The following KIAA1614 variants were observed in gnomAD, a reference collection of about 807,000 sequenced individuals.
KIAA1614 encodes the protein uncharacterized protein KIAA1614.
A neutral mutation model predicts 88.7 loss-of-function variants in KIAA1614; 76 were observed. The ratio of observed to expected loss-of-function variants is 0.86; its 90% CI spans 0.71 to 1.04. The LOEUF (loss-of-function observed/expected upper bound fraction) is 1.04. Among genes scored for constraint, KIAA1614 ranks in the 50% least tolerant of loss-of-function variants. The probability of loss-of-function intolerance (pLI) is 0.00; values close to 1 mark genes in which losing one functional copy is unlikely to be tolerated. For missense variants in KIAA1614, 1,553 were observed against 1,582.5 expected, an observed-to-expected ratio of 0.98 and a Z score of 0.32; for synonymous variants, 714 against 675.5, an observed-to-expected ratio of 1.06 and a Z score of -0.88.
intron 6 of KIAA1614, among the ~76,000 whole-genome samples, chr1:180,939,855 TA>T (rs895701591): frequency 6.6e-6 from 1 of 152,154 alleles, no homozygotes; most frequent in African/African-American, 2.4e-5. Context: ...TCTCATCACC[TA>T]CACCCAAGCC....
intron 4 of KIAA1614, among the ~76,000 whole-genome samples, chr1:180,932,051 C>T (rs1236172043): frequency 6.6e-6 from 1 of 152,110 alleles, no homozygotes. Context: ...TCACCATGAG[C>T]TCCACAGGAA....
At position 180,916,253 on chromosome 1, in the gene KIAA1614, A is replaced by G. The variant is rs755988175; in HGVS notation, c.150A>G (p.Pro50=). 5 of 1,613,622 alleles carry G rather than the reference A, an allele frequency of 3.1e-6. 1 individual carries two copies. The Admixed American group carries it at 8.3e-5, about 27-fold the overall frequency. Residue 50 remains proline, a synonymous_variant, in exon 2 of 9, where the codon CCA becomes CCG. Transcript: ENST00000367588. ...CACAGCTGGATAACGGACACCCCCC[A>G]AGACCCTGGCCTTGCCCTCAGGAAA... ...PEPQLDNGHP[P]RPWPCPQENR... is the part of the protein sequence containing the mutation.
At chr1:180,920,200 G>A (rs1653922969) in intron 3 of KIAA1614, among the ~76,000 whole-genome samples, 1 of 152,196 alleles carries the variant, frequency 6.6e-6, no homozygotes, top group African/African-American at 2.4e-5. Flanking sequence ...AGACATTAAA[G>A]GTGGTCCCCA....
At position 180,935,423 on chromosome 1, in the gene KIAA1614, G is replaced by A. The variant is rs768590113; in HGVS notation, c.1514G>A (p.Arg505Gln). Reference sequence around the variant, plus strand: ...TACATCAACGGGGCTCCCCGGCTCCGGGACGCGGGGCAGGGGACATTCCAC... The same window carrying A: ...TACATCAACGGGGCTCCCCGGCTCCAGGACGCGGGGCAGGGGACATTCCAC... The part of the protein sequence containing the change: ...ADYINGAPRL[R>Q]DAGQGTFHRL... The change falls in exon 5 of 9, where the codon CGG becomes CAG. Residue 505 changes from arginine (R) to glutamine (Q), a missense_variant. By Grantham distance (43) the Arg-to-Gln change is conservative. Coordinates refer to ENST00000367588, the MANE Select transcript of KIAA1614 (RefSeq NM_020950.2). This position sits in a 1 kb window ranked among gnomAD's most constrained non-coding sequence, Gnocchi z 6.1. The A allele has an allele frequency of 9.5e-6, 14 of 1,471,344 alleles. No individual in the cohort carries two copies. The highest frequency in any genetic ancestry group is 1.8e-4 in the Middle Eastern group (1 of 5,558). 91.1% of individuals were successfully genotyped at this position (1,471,344 alleles called of 1,614,324 possible). A position where few individuals can be genotyped will look rare whatever the true frequency, so the allele number is the denominator to read the frequency against.
intron 5 of KIAA1614, 36 bp from the exon 6 acceptor site, chr1:180,938,519 C>G (rs371294856): frequency 2.5e-6 from 4 of 1,606,098 alleles, no homozygotes; most frequent in Non-Finnish European, 3.4e-6. Flanking sequence ...TGGGATGAGC[C>G]GGTCTGACTC....
chr1:180,926,950 G>A (rs943557074), intron 3 of KIAA1614, among the ~76,000 whole-genome samples: 9 of 152,312 alleles, frequency 5.9e-5, no homozygotes, highest in Middle Eastern at 3.4e-3. Context: ...CCCTGCCAGG[G>A]TTCACAGGCA....
At chr1:180,918,486 T>G (rs1404716071) in intron 3 of KIAA1614, among the ~76,000 whole-genome samples, 1 of 152,180 alleles carries the variant, frequency 6.6e-6, no homozygotes, top group Non-Finnish European at 1.5e-5. Context: ...CTGCCTGTCC[T>G]TCATGGCAGT....
chr1:180,941,284 C>CG lies in KIAA1614; in HGVS notation c.3159+1dup, dbSNP rs774678553. 18 of 1,605,640 alleles carry CG rather than the reference C, an allele frequency of 1.1e-5. No homozygotes were observed. Among genetic ancestry groups the CG allele is most frequent in the Non-Finnish European group, 1.4e-5 (17 of 1,174,098 alleles). On this transcript the variant is annotated frameshift_variant and splice_region_variant, in exon 7 of 9. Coordinates refer to ENST00000367588, the MANE Select transcript of KIAA1614 (RefSeq NM_020950.2). LOFTEE classifies it high-confidence loss of function. ...GCCCCATCGTTACAATCCCTGCACC[C>CG]GGTGAGTCCAGGGGCCCCAGCCCAG...
At position 180,916,882 on chromosome 1, in the gene KIAA1614, C is replaced by T. The variant is rs1240796403; in HGVS notation, c.779C>T (p.Thr260Ile). The T allele has an allele frequency of 1.9e-6, 3 of 1,614,118 alleles. No individual in the cohort carries two copies. Among genetic ancestry groups the T allele is most frequent in the Non-Finnish European group, 2.5e-6 (3 of 1,180,056 alleles). Reference protein sequence around the residue: ...TEADLDSTSLTSEEVFVPRTA... With the variant: ...TEADLDSTSLISEEVFVPRTA... ...GCAGATCTGGATAGCACATCCCTGA[C>T]CTCCGAGGAGGTCTTTGTCCCCAGG... The change falls in exon 2 of 9, where the codon ACC becomes ATC. Residue 260 changes from threonine (T) to isoleucine (I), a missense_variant. Transcript: ENST00000367588.
chr1:180,945,892 G>T lies in KIAA1614; in HGVS notation c.*304G>T. 1.1e-6 allele frequency: 1 copy of T among 906,794 alleles called. No homozygotes were observed. 56.2% of individuals were successfully genotyped at this position (906,794 alleles called of 1,614,324 possible). On this transcript the variant is annotated 3_prime_UTR_variant, in exon 9 of 9. Coordinates refer to ENST00000367588, the MANE Select transcript of KIAA1614 (RefSeq NM_020950.2). ...GGCCGAGGCGCCTGGATCACCTGAG[G>T]TCAGGAGTTCGAGACCAGTCTGGCC...
chr1:180,938,132 A>G (rs1265188777), intron 5 of KIAA1614, among the ~76,000 whole-genome samples: 4 of 152,228 alleles, frequency 2.6e-5, no homozygotes, highest in Non-Finnish European at 5.9e-5. Flanking sequence ...CTCAGAAATC[A>G]CAACTGACAA....
chr1:180,941,117 C>T lies in KIAA1614; in HGVS notation c.2991C>T (p.Ser997=). The T allele has an allele frequency of 2.5e-6, 4 of 1,612,784 alleles. No individual in the cohort carries two copies. The highest frequency in any genetic ancestry group is 2.5e-6 in the Non-Finnish European group (3 of 1,179,828). ...CTTTGGACCAGAACAAGAAAAGGAGCAGCAGCATAGCCTCCACCCTGGGGC... is the reference window on the plus strand; with the variant it reads ...CTTTGGACCAGAACAAGAAAAGGAGTAGCAGCATAGCCTCCACCCTGGGGC... ...AAPLDQNKKR[S]SSIASTLGLK... Residue 997 remains serine, a synonymous_variant, in exon 7 of 9, where the codon AGC becomes AGT. Coordinates refer to ENST00000367588, the MANE Select transcript of KIAA1614 (RefSeq NM_020950.2).
At chr1:180,940,762 G>A (rs1448989560) in intron 6 of KIAA1614, among the ~76,000 whole-genome samples, 1 of 149,318 alleles carries the variant, frequency 6.7e-6, no homozygotes, top group African/African-American at 2.5e-5. Flanking sequence ...CGCCCAGGTT[G>A]AGTGCAGTGG....
intron 7 of KIAA1614, among the ~76,000 whole-genome samples, chr1:180,943,795 G>A (rs1029721365): frequency 1.3e-5 from 2 of 151,976 alleles, no homozygotes; most frequent in East Asian, 1.9e-4. Flanking sequence ...TGATCTGCCC[G>A]CCTCAGCCTC....
Position 180,916,525 on chromosome 1 carries a change from C to T in KIAA1614, c.422C>T (p.Ala141Val). ...EGSFLPGAVV[A>V]PRTQNLPDGQ... is the part of the protein sequence containing the mutation. ...TCTTTCCTGCCAGGTGCTGTGGTGG[C>T]TCCTCGTACCCAAAACCTGCCTGAT... The change falls in exon 2 of 9, where the codon GCT becomes GTT. Residue 141 changes from alanine to valine, a missense_variant. Coordinates refer to ENST00000367588, the MANE Select transcript of KIAA1614 (RefSeq NM_020950.2). 2 of 1,613,878 alleles carry T rather than the reference C, an allele frequency of 1.2e-6. No individual in the cohort carries two copies. The highest frequency in any genetic ancestry group is 1.1e-5 in the South Asian group (1 of 91,080).
intron 4 of KIAA1614, 34 bp downstream of exon 4, chr1:180,928,607 G>A (rs1160203171): frequency 6.3e-7 from 1 of 1,596,994 alleles, no homozygotes; most frequent in Non-Finnish European, 8.5e-7. Flanking sequence ...AGCCTGGGAG[G>A]GCCATAGCAG....
intron 7 of KIAA1614, among the ~76,000 whole-genome samples, chr1:180,943,329 A>G (rs1177418341): frequency 6.6e-6 from 1 of 151,468 alleles, no homozygotes; most frequent in Non-Finnish European, 1.5e-5. Context: ...GCCCGGCTGT[A>G]TATATGCCAC....
At chr1:180,942,444 T>G (rs1032099175) in intron 7 of KIAA1614, among the ~76,000 whole-genome samples, 9 of 152,206 alleles carry the variant, frequency 5.9e-5, no homozygotes, top group African/African-American at 1.9e-4. Flanking sequence ...TTTGCGTCGC[T>G]GGCGCCTTTC....
chr1:180,926,636 A>G (rs944233209), intron 3 of KIAA1614, among the ~76,000 whole-genome samples: 1 of 152,238 alleles, frequency 6.6e-6, no homozygotes, highest in Non-Finnish European at 1.5e-5. Flanking sequence ...TCTTGTGACA[A>G]ATGCCCTCTG....
Sources: allele counts gnomAD v4.1 joint callset (sites outside exome capture counted in the v4.1 genomes callset), GRCh38; gene constraint gnomAD v4.1.1; non-coding constraint Gnocchi (gnomAD v3.1); transcripts MANE v1.5; gene names NCBI Gene and HGNC (gene_info 2026-07-23, HGNC 2026-07-21).